The following FRMD6 variants were observed in gnomAD, a reference collection of about 807,000 sequenced individuals.
The protein encoded by FRMD6 is FERM domain-containing protein 6.
Under a neutral mutation model 73.2 loss-of-function variants are expected in FRMD6, and 37 were observed. That is an observed-to-expected ratio of 0.51 (90% confidence interval 0.39 to 0.66). The LOEUF is 0.66. FRMD6 is among the 30% of genes least tolerant of loss of function. The pLI, the probability that FRMD6 is intolerant of heterozygous loss-of-function variation, is 0.00. For missense variants in FRMD6, 714 were observed against 780.5 expected (o/e 0.91, Z 1.02); for synonymous variants, 273 against 282.2 (o/e 0.97, Z 0.33).
intron 1 of FRMD6, among the ~76,000 whole-genome samples, chr14:51,536,949 C>T (rs1885929752): frequency 6.6e-6 from 1 of 152,138 alleles, no homozygotes; most frequent in Admixed American, 6.5e-5. Flanking sequence ...CCCCTGCCCC[C>T]CACACACAGT....
At chr14:51,450,029 G>C in the FRMD6 span, among the ~76,000 whole-genome samples, 2 of 152,196 alleles carry the variant, frequency 1.3e-5, no homozygotes, top group African/African-American at 4.8e-5. Context: ...GATGTAAAAA[G>C]CTCTTGAGAT....
At chr14:51,681,663 C>G (rs369673684) in intron 1 of FRMD6, among the ~76,000 whole-genome samples, 99 of 152,160 alleles carry the variant, frequency 6.5e-4, no homozygotes, top group African/African-American at 2.3e-3. Flanking sequence ...TCTGTTGATT[C>G]AACAACTAGC....
intron 1 of FRMD6, among the ~76,000 whole-genome samples, chr14:51,684,685 G>A (rs1594728508): frequency 6.6e-6 from 1 of 152,052 alleles, no homozygotes; most frequent in Non-Finnish European, 1.5e-5. Context: ...GTAGAGGCCA[G>A]GGCTGCTGCT....
At chr14:51,594,173 G>A (rs1594571499) in intron 2 of FRMD6, among the ~76,000 whole-genome samples, 1 of 152,232 alleles carries the variant, frequency 6.6e-6, no homozygotes, top group Middle Eastern at 3.4e-3. Flanking sequence ...CACCCTGACT[G>A]GAGTGCAGTG....
the FRMD6 span, among the ~76,000 whole-genome samples, chr14:51,453,280 G>A: frequency 6.6e-6 from 1 of 152,092 alleles, no homozygotes; most frequent in Non-Finnish European, 1.5e-5. Flanking sequence ...TGAGTCGGGG[G>A]CTGGCAGGGA....
intron 1 of FRMD6, among the ~76,000 whole-genome samples, chr14:51,681,719 A>G (rs1894811737): frequency 6.6e-6 from 1 of 152,216 alleles, no homozygotes; most frequent in African/African-American, 2.4e-5. Context: ...TGTATAGTAT[A>G]ATAATGTTAC....
At chr14:51,702,713 A>G in intron 5 of FRMD6, 125 bp downstream of exon 5, 1 of 729,526 alleles carries the variant, frequency 1.4e-6, no homozygotes, top group Non-Finnish European at 2.3e-6. Flanking sequence ...CTGTAGGAGC[A>G]GCAATTTTTT....
At chr14:51,684,274 A>G (rs1475488142) in intron 1 of FRMD6, among the ~76,000 whole-genome samples, 1 of 152,140 alleles carries the variant, frequency 6.6e-6, no homozygotes, top group Non-Finnish European at 1.5e-5. Context: ...CTCTTCAGGA[A>G]CAAGCAGGTG....
chr14:51,431,937 G>C, the FRMD6 span, among the ~76,000 whole-genome samples: 1 of 152,168 alleles, frequency 6.6e-6, no homozygotes, highest in East Asian at 1.9e-4. Flanking sequence ...ATTGAGCTGT[G>C]TGAGCTAAAT....
chr14:51,585,939 G>GTGTGTGTGTGTGTGTATATATATATATA, intron 2 of FRMD6, among the ~76,000 whole-genome samples: 4 of 31,400 alleles, frequency 1.3e-4, no homozygotes, highest in African/African-American at 2.7e-4. Flanking sequence ...GTGTGTGTGT[G>GTGTGTGTGTGTGTGTATATATATATATA]TATATATATA....
At chr14:51,531,898 C>G (rs1885603596) in intron 1 of FRMD6, among the ~76,000 whole-genome samples, 1 of 152,180 alleles carries the variant, frequency 6.6e-6, no homozygotes, top group African/African-American at 2.4e-5. Flanking sequence ...CTCTGAGTAT[C>G]AGTTAATTTT....
the FRMD6 span, among the ~76,000 whole-genome samples, chr14:51,465,063 C>T: frequency 6.6e-6 from 1 of 151,632 alleles, no homozygotes; most frequent in Non-Finnish European, 1.5e-5. Context: ...CTCTTAATAT[C>T]AAAAAAGGAA....
intron 2 of FRMD6, among the ~76,000 whole-genome samples, chr14:51,646,651 G>A (rs1892088431): frequency 6.7e-6 from 1 of 149,564 alleles, no homozygotes; most frequent in African/African-American, 2.5e-5. Context: ...CACACAAACA[G>A]AATACATGAG....
chr14:51,510,874 C>T (rs1324431410), intron 1 of FRMD6, among the ~76,000 whole-genome samples: 1 of 152,146 alleles, frequency 6.6e-6, no homozygotes, highest in Non-Finnish European at 1.5e-5. Context: ...TTAATTGTTT[C>T]TTTCTGTTAT....
intron 1 of FRMD6, among the ~76,000 whole-genome samples, chr14:51,561,769 A>G (rs1206621631): frequency 6.6e-6 from 1 of 152,234 alleles, no homozygotes; most frequent in Admixed American, 6.5e-5. Flanking sequence ...AGGGCATCCA[A>G]ATAATACATA....
the FRMD6 span, among the ~76,000 whole-genome samples, chr14:51,425,826 A>G: frequency 1.3e-5 from 2 of 152,094 alleles, no homozygotes; most frequent in African/African-American, 2.4e-5. Flanking sequence ...TAATTGTTTC[A>G]TCTTTTCTTG....
At chr14:51,627,368 T>C (rs1490799773) in intron 2 of FRMD6, among the ~76,000 whole-genome samples, 1 of 152,200 alleles carries the variant, frequency 6.6e-6, no homozygotes, top group Non-Finnish European at 1.5e-5. Flanking sequence ...GACTGAAAAA[T>C]AATGATTGAA....
chr14:51,401,859 G>T, the FRMD6 span, among the ~76,000 whole-genome samples: 1 of 152,212 alleles, frequency 6.6e-6, no homozygotes. Flanking sequence ...TGTCAGGGGA[G>T]ATCATGGCAC....
At chr14:51,567,328 A>G (rs1246505265) in intron 1 of FRMD6, among the ~76,000 whole-genome samples, 1 of 152,172 alleles carries the variant, frequency 6.6e-6, no homozygotes, top group Non-Finnish European at 1.5e-5. Context: ...AGATGCTACC[A>G]TGACTACCCA....
Sources: allele counts gnomAD v4.1 joint callset (sites outside exome capture counted in the v4.1 genomes callset), GRCh38; gene constraint gnomAD v4.1.1; transcripts MANE v1.5; gene names NCBI Gene and HGNC (gene_info 2026-07-23, HGNC 2026-07-21).